The following CCL26 variants were observed in gnomAD, a reference collection of about 807,000 sequenced individuals.
CCL26 encodes the protein C-C motif chemokine 26.
Under a neutral mutation model 10.7 loss-of-function variants are expected in CCL26, and 10 were observed. The ratio of observed to expected loss-of-function variants is 0.93; its 90% CI spans 0.57 to 1.58. The LOEUF is 1.58. Ranked by LOEUF, CCL26 falls within the 40% of genes most tolerant of loss-of-function variation. The pLI, the probability that CCL26 is intolerant of heterozygous loss-of-function variation, is 0.00. For synonymous variants in CCL26, 43 were observed against 41.4 expected (o/e 1.04, Z -0.15); for missense variants, 116 against 111.0 (o/e 1.05, Z -0.20).
intron 2 of CCL26, 149 bp from the exon 3 acceptor site, chr7:75,769,938 C>T (rs1228199540): frequency 1.7e-5 from 10 of 592,614 alleles, no homozygotes; most frequent in Non-Finnish European, 3.0e-5. Flanking sequence ...TTCTCCTGGG[C>T]CTTGTCTCCC....
chr7:75,787,715 AAT>A (rs1554530179), intron 1 of CCL26, among the ~76,000 whole-genome samples: 21 of 151,574 alleles, frequency 1.4e-4, no homozygotes, highest in African/African-American at 5.1e-4. Flanking sequence ...TAAAAAAAAA[AAT>A]AAAAGGACTC....
chr7:75,772,462 G>T (rs1802846138), upstream of CCL26, among the ~76,000 whole-genome samples: 1 of 152,118 alleles, frequency 6.6e-6, no homozygotes, highest in South Asian at 2.1e-4. Context: ...TTCAAGATCA[G>T]CCTGGCCAAC....
At chr7:75,790,321 C>G (rs1079953), upstream of CCL26, among the ~76,000 whole-genome samples, 52,148 of 148,500 alleles carry the variant, frequency 0.35, 10,079 homozygotes, top group East Asian at 0.51. Context: ...GCAATCATAG[C>G]TCCCTGCAAC....
At chr7:75,772,405 A>C (rs558956511), upstream of CCL26, 9 of 543,950 alleles carry the variant, frequency 1.7e-5, no homozygotes, top group Non-Finnish European at 3.0e-5. Context: ...GCCTGTGATC[A>C]CAGCACTCTG....
At chr7:75,788,985 G>C (rs1585017487) in intron 1 of CCL26, among the ~76,000 whole-genome samples, 1 of 151,806 alleles carries the variant, frequency 6.6e-6, no homozygotes, top group African/African-American at 2.4e-5. Context: ...CAGTGATGCT[G>C]TCATAGCTCA....
At chr7:75,779,421 C>A (rs530649210) in intron 1 of CCL26, among the ~76,000 whole-genome samples, 2 of 152,208 alleles carry the variant, frequency 1.3e-5, no homozygotes, top group South Asian at 4.1e-4. Context: ...CTCAGACCGA[C>A]CAGCCCAAGG....
chr7:75,789,997 T>TCTCCCTCCCTCCCTCCCTCC (rs3043379), upstream of CCL26: 1 of 112,418 alleles, frequency 8.9e-6, no homozygotes, highest in East Asian at 3.0e-4. Context: ...GTCTTACGGT[T>TCTCCCTCCCTCCCTCCCTCC]CTCCCTCCCT....
intron 2 of CCL26, among the ~76,000 whole-genome samples, chr7:75,770,778 C>A (rs997517558): frequency 6.6e-6 from 1 of 151,026 alleles, no homozygotes; most frequent in African/African-American, 2.4e-5. Flanking sequence ...CGGGTTCAAG[C>A]GATTCTCCTG....
chr7:75,788,270 G>T (rs1240002661), intron 1 of CCL26, among the ~76,000 whole-genome samples: 2 of 152,020 alleles, frequency 1.3e-5, no homozygotes, highest in African/African-American at 2.4e-5. Flanking sequence ...AGTGAAAATG[G>T]CCTGTTCTTG....
chr7:75,769,925 C>T (rs1802785637), intron 2 of CCL26, 136 bp from the exon 3 acceptor site: 18 of 608,886 alleles, frequency 3.0e-5, no homozygotes, highest in Non-Finnish European at 5.3e-5. Flanking sequence ...TCCCTGTCCC[C>T]TCTTCTCCTG....
upstream of CCL26, among the ~76,000 whole-genome samples, chr7:75,775,081 A>T (rs904246160): frequency 2.0e-5 from 3 of 151,856 alleles, no homozygotes; most frequent in Non-Finnish European, 4.4e-5. Flanking sequence ...TTAGCTGAGC[A>T]TGGTGTCGCG....
intron 1 of CCL26, among the ~76,000 whole-genome samples, chr7:75,779,476 C>A (rs1226644779): frequency 6.6e-6 from 1 of 152,186 alleles, no homozygotes; most frequent in Non-Finnish European, 1.5e-5. Flanking sequence ...TCTCTTTACT[C>A]TCTTCTCCAA....
At chr7:75,786,492 C>G (rs1803186546) in intron 1 of CCL26, among the ~76,000 whole-genome samples, 1 of 152,148 alleles carries the variant, frequency 6.6e-6, no homozygotes, top group Admixed American at 6.6e-5. Flanking sequence ...CGCCACCATA[C>G]TGTTTTATGG....
At chr7:75,787,237 A>G (rs1025037530) in intron 1 of CCL26, among the ~76,000 whole-genome samples, 52 of 152,050 alleles carry the variant, frequency 3.4e-4, no homozygotes, top group African/African-American at 1.2e-3. Context: ...ACTGGCCTTT[A>G]TTAGTCAAAT....
intron 1 of CCL26, among the ~76,000 whole-genome samples, chr7:75,779,677 C>T (rs1014660766): frequency 1.5e-4 from 23 of 152,364 alleles, no homozygotes; most frequent in South Asian, 8.3e-4. Flanking sequence ...TTTAATCACG[C>T]GGGGACGCGT....
chr7:75,771,858 G>T (rs1554528111), intron 2 of CCL26, 31 bp downstream of exon 2: 1 of 1,496,172 alleles, frequency 6.7e-7, no homozygotes, highest in South Asian at 1.1e-5. Context: ...GACTGATGGG[G>T]CCCCAGAAAG....
At chr7:75,791,450 G>A (rs1554530855), upstream of CCL26, among the ~76,000 whole-genome samples, 1 of 152,134 alleles carries the variant, frequency 6.6e-6, no homozygotes, top group Non-Finnish European at 1.5e-5. Context: ...CCCTGTGGCT[G>A]AAGCCCCTTC....
At chr7:75,789,088 A>AT (rs1563341865) in intron 1 of CCL26, among the ~76,000 whole-genome samples, 1 of 107,800 alleles carries the variant, frequency 9.3e-6, no homozygotes, top group African/African-American at 4.2e-5. Context: ...TGCCCAGTTC[A>AT]TTTTTTGATT....
At chr7:75,785,416 T>C (rs1554529879) in intron 1 of CCL26, among the ~76,000 whole-genome samples, 1 of 152,138 alleles carries the variant, frequency 6.6e-6, no homozygotes, top group Non-Finnish European at 1.5e-5. Context: ...CTCCTTTGAA[T>C]CTTCTCAACA....
Sources: allele counts gnomAD v4.1 joint callset (sites outside exome capture counted in the v4.1 genomes callset), GRCh38; gene constraint gnomAD v4.1.1; transcripts MANE v1.5; gene names NCBI Gene and HGNC (gene_info 2026-07-23, HGNC 2026-07-21).